Variants in GRIK2 observed in about 807,000 individuals in gnomAD.
The protein encoded by GRIK2 is glutamate receptor ionotropic, kainate 2.
A neutral mutation model predicts 100.3 loss-of-function variants in GRIK2; 32 were observed. The ratio of observed to expected loss-of-function variants is 0.32; its 90% confidence interval spans 0.24 to 0.43. GRIK2 has a LOEUF of 0.43. Among genes scored for constraint, GRIK2 ranks in the 20% least tolerant of loss-of-function variants. The pLI is 1.00. For missense variants in GRIK2, 843 were observed against 1,114.9 expected (o/e 0.76, Z 3.47); for synonymous variants, 417 against 389.4 (o/e 1.07, Z -0.83).
chr6:101,860,201 G>C (rs1013922845), intron 11 of GRIK2, among the ~76,000 whole-genome samples: 1 of 151,898 alleles, frequency 6.6e-6, no homozygotes, highest in African/African-American at 2.4e-5. Flanking sequence ...CTTTTAAAAA[G>C]TATAATTTAT....
intron 4 of GRIK2, among the ~76,000 whole-genome samples, chr6:101,658,973 G>T (rs985382345): frequency 3.9e-5 from 6 of 152,028 alleles, no homozygotes; most frequent in African/African-American, 1.5e-4. Flanking sequence ...CATTCTATAG[G>T]TTGCCTGTTC....
intron 7 of GRIK2, among the ~76,000 whole-genome samples, chr6:101,760,114 C>A (rs1213576480): frequency 6.9e-6 from 1 of 145,078 alleles, no homozygotes; most frequent in East Asian, 2.0e-4. Flanking sequence ...CATGATCCAC[C>A]CGCCTCGGCC....
At chr6:101,517,656 C>A (rs1240645828) in intron 2 of GRIK2, among the ~76,000 whole-genome samples, 1 of 152,090 alleles carries the variant, frequency 6.6e-6, no homozygotes, top group African/African-American at 2.4e-5. Flanking sequence ...TTCCATCAGG[C>A]AATAGACAAG....
chr6:101,693,366 A>C (rs1332072165), intron 7 of GRIK2, among the ~76,000 whole-genome samples: 1 of 152,040 alleles, frequency 6.6e-6, no homozygotes, highest in Non-Finnish European at 1.5e-5. Context: ...ACACCAACTT[A>C]TAAAGGATAA....
chr6:101,905,871 A>T (rs542761095), intron 12 of GRIK2, among the ~76,000 whole-genome samples: 1 of 151,614 alleles, frequency 6.6e-6, no homozygotes, highest in Non-Finnish European at 1.5e-5. Flanking sequence ...TGGAATTTTT[A>T]TTTATTGTTT....
intron 15 of GRIK2, among the ~76,000 whole-genome samples, chr6:102,044,453 A>T (rs1040380011): frequency 6.6e-6 from 1 of 152,028 alleles, no homozygotes; most frequent in Non-Finnish European, 1.5e-5. Context: ...TTTCCACATG[A>T]TTGGGGAGGC....
chr6:101,811,830 C>A, intron 9 of GRIK2, among the ~76,000 whole-genome samples: 2 of 150,262 alleles, frequency 1.3e-5, no homozygotes, highest in South Asian at 2.1e-4. Flanking sequence ...AAACTGTCAC[C>A]AAAAATAAAC....
At chr6:101,585,990 AGAG>A (rs1458362717) in intron 2 of GRIK2, among the ~76,000 whole-genome samples, 1 of 152,078 alleles carries the variant, frequency 6.6e-6, no homozygotes, top group Non-Finnish European at 1.5e-5. Flanking sequence ...ATATAAAATT[AGAG>A]GAAAGAAAAG....
chr6:101,628,926 CAT>C (rs1182962173), intron 4 of GRIK2, among the ~76,000 whole-genome samples: 4 of 152,078 alleles, frequency 2.6e-5, no homozygotes, highest in Non-Finnish European at 5.9e-5. Flanking sequence ...CGTGTATGCA[CAT>C]GTGTGGCATT....
chr6:101,667,525 A>G (rs1770118911), intron 4 of GRIK2, among the ~76,000 whole-genome samples: 1 of 152,158 alleles, frequency 6.6e-6, no homozygotes, highest in South Asian at 2.1e-4. Context: ...TTTTAGTTGC[A>G]ACTGACTATA....
chr6:102,065,944 C>T (rs186270514), intron 16 of GRIK2: 16 of 1,301,382 alleles, frequency 1.2e-5, no homozygotes, highest in African/African-American at 3.1e-5. Flanking sequence ...TATTAAGCAA[C>T]AAGAAACACT....
chr6:101,813,029 T>G, intron 9 of GRIK2, among the ~76,000 whole-genome samples: 1 of 152,112 alleles, frequency 6.6e-6, no homozygotes, highest in East Asian at 1.9e-4. Context: ...ATATACATGA[T>G]ATACACATCC....
chr6:101,890,093 A>G lies in GRIK2; in HGVS notation c.1748+230A>G, dbSNP rs1786944980. ...GTAAGCTATAAGTGTTATAGGGATT[A>G]CTGTTTTCTTAACCAGAATATAAAA... On this transcript the variant is annotated intron_variant, in intron 12 of 16. Transcript: ENST00000369134. 3 of 395,254 alleles carry G rather than the reference A, an allele frequency of 7.6e-6. No homozygotes were observed. In the East Asian group the frequency reaches 1.2e-4, roughly 15 times the overall value. The allele number at this position is 395,254 out of a possible 1,614,324, so 24.5% of individuals were successfully genotyped here. A position where few individuals can be genotyped will look rare whatever the true frequency, so the allele number is the denominator to read the frequency against.
rs1487554644 is a variant in GRIK2 at position 101,790,674 on chromosome 6, T to A, written c.952-8974T>A. The stretch of plus-strand genomic sequence containing the variant: ...GATATTGGTCTAAAATTCTCTTTTT[T>A]GGTTGTGTCTCTGCCCGGCTTTGGT... On this transcript the variant is annotated intron_variant, in intron 7 of 16. Transcript: ENST00000369134. Among the ~76,000 whole-genome samples, 5 of 145,412 alleles carry A rather than the reference T, an allele frequency of 3.4e-5. No individual in the cohort carries two copies. The South Asian group carries it at 8.9e-4, about 26-fold the overall frequency.
At chr6:101,710,111 A>G (rs919102215) in intron 7 of GRIK2, among the ~76,000 whole-genome samples, 2 of 151,900 alleles carry the variant, frequency 1.3e-5, no homozygotes, top group Non-Finnish European at 2.9e-5. Context: ...GGTTGATTTG[A>G]TCAGAATTAC....
Position 101,551,561 on chromosome 6 carries a change from A to G in GRIK2, c.116-70388A>G, listed in dbSNP as rs114271489. Among the ~76,000 whole-genome samples the G allele has an allele frequency of 6.2e-3, 951 of 152,192 alleles. 4 individuals carry two copies. The highest frequency in any genetic ancestry group is 0.02 in the African/African-American group (810 of 41,518). On this transcript the variant is annotated intron_variant, in intron 2 of 16. Transcript: ENST00000369134. Reference sequence around the variant, plus strand: ...CATATCCGGGCCTGGATGAATCTCAATTATTTTCATTGATTTATTTAATAA... The same window carrying G: ...CATATCCGGGCCTGGATGAATCTCAGTTATTTTCATTGATTTATTTAATAA...
chr6:101,685,227 G>A lies in GRIK2; in HGVS notation c.778-953G>A, dbSNP rs142535716. The stretch of plus-strand genomic sequence containing the variant: ...TCTTTCCTATCTCCTTGGCTAGATT[G>A]TAAACATTAAAAAATAAAAACCTAA... On this transcript the variant is annotated intron_variant, in intron 6 of 16. Coordinates refer to ENST00000369134, the MANE Select transcript of GRIK2 (RefSeq NM_021956.5). Among the ~76,000 whole-genome samples, 1,151 of 152,150 alleles carry A rather than the reference G, an allele frequency of 7.6e-3. 13 individuals carry two copies. Among genetic ancestry groups the A allele is most frequent in the African/African-American group, 0.025 (1,041 of 41,512 alleles).
intron 2 of GRIK2, among the ~76,000 whole-genome samples, chr6:101,553,630 G>A (rs1434497256): frequency 6.6e-6 from 1 of 152,124 alleles, no homozygotes; most frequent in African/African-American, 2.4e-5. Context: ...TGACTTAGGT[G>A]ATCTATGCAC....
chr6:102,051,562 T>A (rs139609941), intron 15 of GRIK2, among the ~76,000 whole-genome samples: 3,070 of 152,226 alleles, frequency 0.02, 97 homozygotes, highest in African/African-American at 0.07. Flanking sequence ...AATTTATTTG[T>A]CAATGTTTTA....
Sources: allele counts gnomAD v4.1 joint callset (sites outside exome capture counted in the v4.1 genomes callset), GRCh38; gene constraint gnomAD v4.1.1; transcripts MANE v1.5; gene names NCBI Gene and HGNC (gene_info 2026-07-23, HGNC 2026-07-21).